GBE1: variants seen among roughly 807,000 people sequenced by gnomAD.
GBE1 encodes 1,4-alpha-glucan branching enzyme 1.
In GBE1, 70 loss-of-function variants were observed where a neutral mutation model predicts 88.8. The ratio of observed to expected loss-of-function variants is 0.79; its 90% CI spans 0.65 to 0.96. The LOEUF (loss-of-function observed/expected upper bound fraction) is 0.96. Ranked by LOEUF, GBE1 falls within the 40% of genes least tolerant of loss-of-function variation. The pLI is 0.00. For synonymous variants in GBE1, 284 were observed against 300.1 expected, an observed-to-expected ratio of 0.95 and a Z score of 0.56; for missense variants, 872 against 871.0, an observed-to-expected ratio of 1.00 and a Z score of -0.01.
At chr3:81,723,379 G>A (rs1165311688) in intron 1 of GBE1, among the ~76,000 whole-genome samples, 4 of 151,684 alleles carry the variant, frequency 2.6e-5, no homozygotes, top group Admixed American at 1.3e-4. Flanking sequence ...GGGATTACAG[G>A]TGTGAGCCAC....
chr3:81,597,074 G>A (rs773110175), intron 7 of GBE1, among the ~76,000 whole-genome samples: 1 of 151,824 alleles, frequency 6.6e-6, no homozygotes, highest in Non-Finnish European at 1.5e-5. Context: ...GTTCTCTCTA[G>A]TAGTAAATGA....
At chr3:81,531,059 C>T (rs1037983265) in intron 14 of GBE1, among the ~76,000 whole-genome samples, 3 of 151,330 alleles carry the variant, frequency 2.0e-5, no homozygotes, top group Non-Finnish European at 4.4e-5. Context: ...TCACTCTTCT[C>T]TTTCCTTTCC....
intron 1 of GBE1, among the ~76,000 whole-genome samples, chr3:81,718,208 G>A (rs2107185933): frequency 1.3e-5 from 2 of 152,176 alleles, no homozygotes; most frequent in Middle Eastern, 6.8e-3. Context: ...TCAAACTCCT[G>A]ACCTCAGGTG....
intron 1 of GBE1, chr3:81,743,656 T>G: frequency 1.4e-6 from 2 of 1,458,332 alleles, no homozygotes; most frequent in Non-Finnish European, 1.8e-6. Context: ...TCTAGGGCTA[T>G]TAAAGCAGAC....
At chr3:81,722,244 G>A (rs550605425) in intron 1 of GBE1, among the ~76,000 whole-genome samples, 2 of 151,952 alleles carry the variant, frequency 1.3e-5, no homozygotes, top group African/African-American at 2.4e-5. Context: ...TTGAAGTGTT[G>A]GATCTACATT....
intron 14 of GBE1, among the ~76,000 whole-genome samples, chr3:81,531,860 A>G: frequency 6.6e-6 from 1 of 152,018 alleles, no homozygotes; most frequent in South Asian, 2.1e-4. Context: ...TTTAGTGTGC[A>G]GTGTTGGGTC....
At chr3:81,546,873 TC>T (rs1368019094) in intron 12 of GBE1, among the ~76,000 whole-genome samples, 1 of 151,314 alleles carries the variant, frequency 6.6e-6, no homozygotes, top group Non-Finnish European at 1.5e-5. Flanking sequence ...CTGAATTCTT[TC>T]TTGCCTGAGA....
chr3:81,724,811 G>A (rs941050802), intron 1 of GBE1, among the ~76,000 whole-genome samples: 2 of 151,970 alleles, frequency 1.3e-5, no homozygotes, highest in Admixed American at 6.6e-5. Context: ...TCATATCTAA[G>A]CCCTCTAAAA....
At chr3:81,523,285 T>C (rs1420447182) in intron 14 of GBE1, among the ~76,000 whole-genome samples, 1 of 151,194 alleles carries the variant, frequency 6.6e-6, no homozygotes, top group Non-Finnish European at 1.5e-5. Context: ...CTCCTAAATA[T>C]CATCATGGAA....
chr3:81,563,068 T>G (rs1285204299), intron 12 of GBE1, among the ~76,000 whole-genome samples: 1 of 152,102 alleles, frequency 6.6e-6, no homozygotes, highest in African/African-American at 2.4e-5. Context: ...GACAGCCATA[T>G]AGCTCACCAG....
chr3:81,558,178 G>A (rs559849004), intron 12 of GBE1, among the ~76,000 whole-genome samples: 1 of 152,164 alleles, frequency 6.6e-6, no homozygotes, highest in Non-Finnish European at 1.5e-5. Flanking sequence ...CAATGTGTGT[G>A]TGTGTGTTTA....
intron 2 of GBE1, among the ~76,000 whole-genome samples, chr3:81,701,028 C>A (rs1239871893): frequency 6.6e-6 from 1 of 152,092 alleles, no homozygotes; most frequent in Non-Finnish European, 1.5e-5. Flanking sequence ...TATTTAGCAA[C>A]CTGCAATAAA....
At chr3:81,563,071 C>G (rs151155023) in intron 12 of GBE1, among the ~76,000 whole-genome samples, 29 of 152,058 alleles carry the variant, frequency 1.9e-4, no homozygotes, top group Non-Finnish European at 4.0e-4. Context: ...AGCCATATAG[C>G]TCACCAGTTT....
intron 14 of GBE1, among the ~76,000 whole-genome samples, chr3:81,509,169 C>A (rs1702691216): frequency 6.6e-6 from 1 of 151,596 alleles, no homozygotes; most frequent in Non-Finnish European, 1.5e-5. Flanking sequence ...TATTTCTATT[C>A]CTCTTTCTCT....
chr3:81,756,820 T>C (rs1466412259), intron 1 of GBE1, among the ~76,000 whole-genome samples: 1 of 152,206 alleles, frequency 6.6e-6, no homozygotes, highest in East Asian at 1.9e-4. Context: ...CCAAAACATG[T>C]GGCATCCAAG....
At chr3:81,726,369 A>C (rs930832663) in intron 1 of GBE1, among the ~76,000 whole-genome samples, 1 of 152,168 alleles carries the variant, frequency 6.6e-6, no homozygotes, top group Non-Finnish European at 1.5e-5. Context: ...TGCTGGAAGT[A>C]AGAGGGAGAC....
rs1240846111 is a variant in GBE1 at position 81,761,558 on chromosome 3, G to A, written c.-41C>T. On this transcript the variant is annotated 5_prime_UTR_variant, in exon 1 of 16. Coordinates refer to ENST00000429644, the MANE Select transcript of GBE1 (RefSeq NM_000158.4). ...AAGTAGCCGAGGCCCGAGAGGTCGA[G>A]TGGGGCCTGAGCGGGCGCTGGAGCT... 1.9e-6 allele frequency: 3 copies of A among 1,577,524 alleles called. No homozygotes were observed. The highest frequency in any genetic ancestry group is 2.6e-6 in the Non-Finnish European group (3 of 1,164,370).
intron 12 of GBE1, among the ~76,000 whole-genome samples, 192 bp downstream of exon 12, chr3:81,577,733 A>G (rs1703667338): frequency 6.6e-6 from 1 of 152,170 alleles, no homozygotes; most frequent in Non-Finnish European, 1.5e-5. Context: ...ATACTTTTGT[A>G]TCATATATTA....
chr3:81,668,170 T>C (rs1257841421), intron 3 of GBE1, among the ~76,000 whole-genome samples: 1 of 151,902 alleles, frequency 6.6e-6, no homozygotes, highest in Non-Finnish European at 1.5e-5. Context: ...AGTTGAACAA[T>C]GAGAATACAC....
Sources: gnomAD v4.1 joint callset for allele counts (sites outside exome capture counted in the v4.1 genomes callset) on GRCh38, gnomAD v4.1.1 for gene constraint, MANE v1.5 for transcripts, NCBI Gene and HGNC (gene_info 2026-07-23, HGNC 2026-07-21) for gene names.